Variants in EIPR1 observed in about 807,000 individuals in gnomAD.
EIPR1 encodes EARP and GARP complex-interacting protein 1.
A neutral mutation model predicts 48.1 loss-of-function variants in EIPR1; 25 were observed. The ratio of observed to expected loss-of-function variants is 0.52; its 90% CI spans 0.38 to 0.73. EIPR1 has a LOEUF of 0.73. EIPR1 is among the 30% of genes least tolerant of loss of function. EIPR1 has a pLI of 0.00. For synonymous variants in EIPR1, 204 were observed against 201.9 expected, an observed-to-expected ratio of 1.01 and a Z score of -0.09; for missense variants, 415 against 506.2, an observed-to-expected ratio of 0.82 and a Z score of 1.73.
intron 3 of EIPR1, chr2:3,320,165 C>A (rs1420149184): frequency 1.1e-5 from 2 of 190,424 alleles, no homozygotes; most frequent in South Asian, 7.2e-5. Context: ...GCAGGCAACA[C>A]CGCACCTATG....
intron 2 of EIPR1, among the ~76,000 whole-genome samples, chr2:3,341,077 C>T (rs1230419585): frequency 1.9e-5 from 2 of 105,710 alleles, no homozygotes; most frequent in Non-Finnish European, 3.4e-5. Context: ...GCCTGGGTGA[C>T]AGAGTGAGAT....
At chr2:3,193,249 A>G (rs1418930645) in intron 7 of EIPR1, among the ~76,000 whole-genome samples, 1 of 152,240 alleles carries the variant, frequency 6.6e-6, no homozygotes, top group Non-Finnish European at 1.5e-5. Flanking sequence ...AGAAGTGTGC[A>G]CTACCAATCC....
At chr2:3,245,337 T>G (rs776726163) in intron 4 of EIPR1, among the ~76,000 whole-genome samples, 2 of 152,096 alleles carry the variant, frequency 1.3e-5, no homozygotes, top group Non-Finnish European at 2.9e-5. Context: ...CTCAGCCTCC[T>G]GAGTACATGG....
At chr2:3,210,968 T>C (rs1665429817) in intron 5 of EIPR1, among the ~76,000 whole-genome samples, 1 of 152,014 alleles carries the variant, frequency 6.6e-6, no homozygotes, top group Admixed American at 6.5e-5. Flanking sequence ...AGAACATGCA[T>C]AGTTTCGGTG....
rs1668187564 is a variant in EIPR1 at position 3,286,443 on chromosome 2, GGGCCATCCTACCA to G, written c.260-29001_260-28989del. On this transcript the variant is annotated intron_variant, in intron 3 of 8. Transcript: ENST00000382125. The surrounding 1 kb of genome is among the most constrained non-coding windows in gnomAD (Gnocchi z 4.2). ...GCAGTGCCAAGGACCCCCGGGGGTGGGGCCATCCTACCAGGCATGTCCTGGGCACATGGGAAGA... is the reference window on the plus strand; with the variant it reads ...GCAGTGCCAAGGACCCCCGGGGGTGGGGCATGTCCTGGGCACATGGGAAGA... Among the ~76,000 whole-genome samples the G allele has an allele frequency of 6.6e-6, 1 of 152,134 alleles. No homozygotes were observed. The highest frequency in any genetic ancestry group is 2.4e-5 in the African/African-American group (1 of 41,422).
intron 3 of EIPR1, among the ~76,000 whole-genome samples, chr2:3,272,055 T>G (rs2602752): frequency 0.68 from 104,141 of 152,172 alleles, 36,008 homozygotes; most frequent in East Asian, 0.81. Flanking sequence ...GATGACCTCT[T>G]TCCTCCAACC....
At chr2:3,289,647 T>C (rs759947044) in intron 3 of EIPR1, among the ~76,000 whole-genome samples, 6 of 152,186 alleles carry the variant, frequency 3.9e-5, no homozygotes, top group Non-Finnish European at 8.8e-5. Context: ...TTGAATCCCG[T>C]AGGGTGTGTC....
intron 4 of EIPR1, among the ~76,000 whole-genome samples, chr2:3,242,526 G>A (rs910978919): frequency 2.7e-5 from 4 of 148,070 alleles, no homozygotes; most frequent in Non-Finnish European, 4.5e-5. Flanking sequence ...ACCCACTGAC[G>A]GCTGGAAGAC....
intron 6 of EIPR1, 149 bp downstream of exon 6, chr2:3,196,732 T>A (rs1360809646): frequency 6.4e-6 from 8 of 1,252,402 alleles, no homozygotes; most frequent in Non-Finnish European, 4.3e-6. Flanking sequence ...AGAAACAAGA[T>A]GAAGATTTAT....
intron 3 of EIPR1, among the ~76,000 whole-genome samples, chr2:3,258,990 T>C (rs1006312637): frequency 6.6e-6 from 1 of 152,042 alleles, no homozygotes; most frequent in African/African-American, 2.4e-5. Flanking sequence ...GCCCACGAGA[T>C]TGGCAATGGC....
In EIPR1 at chr2:3,286,422, T is replaced by TGC. The variant is rs1250397759; in HGVS notation, c.260-28969_260-28968dup. Among the ~76,000 whole-genome samples, 1 of 151,954 alleles carries TGC rather than the reference T, an allele frequency of 6.6e-6. No individual in the cohort carries two copies. Among genetic ancestry groups the TGC allele is most frequent in the Non-Finnish European group, 1.5e-5 (1 of 67,970 alleles). On this transcript the variant is annotated intron_variant, in intron 3 of 8. Coordinates refer to ENST00000382125, the MANE Select transcript of EIPR1 (RefSeq NM_003310.5). The surrounding 1 kb of genome is among the most constrained non-coding windows in gnomAD (Gnocchi z 4.2). ...CCAGGAGTGGGCCCAGAAGGAGCAG[T>TGC]GCCAAGGACCCCCGGGGGTGGGGCC...
intron 1 of EIPR1, among the ~76,000 whole-genome samples, chr2:3,375,542 G>A (rs1156868839): frequency 6.6e-6 from 1 of 152,150 alleles, no homozygotes; most frequent in African/African-American, 2.4e-5. Flanking sequence ...TCTTCAGGTA[G>A]TACAAGATTA....
At chr2:3,355,365 G>A (rs1670696661) in intron 1 of EIPR1, among the ~76,000 whole-genome samples, 1 of 152,156 alleles carries the variant, frequency 6.6e-6, no homozygotes, top group South Asian at 2.1e-4. Flanking sequence ...ACCTGCACAG[G>A]CTAAAGCTCC....
intron 3 of EIPR1, among the ~76,000 whole-genome samples, chr2:3,296,902 T>C (rs954001014): frequency 6.6e-6 from 1 of 152,264 alleles, no homozygotes; most frequent in Non-Finnish European, 1.5e-5. Context: ...CAACCTCAGC[T>C]GTCTAGGACC....
At chr2:3,267,891 G>A (rs528765525) in intron 3 of EIPR1, among the ~76,000 whole-genome samples, 182 of 152,338 alleles carry the variant, frequency 1.2e-3, no homozygotes, top group African/African-American at 4.3e-3. Flanking sequence ...CCATCTACCT[G>A]TGCCAGTGAC....
intron 4 of EIPR1, among the ~76,000 whole-genome samples, chr2:3,216,202 A>G (rs1665630912): frequency 6.6e-6 from 1 of 152,158 alleles, no homozygotes; most frequent in African/African-American, 2.4e-5. Context: ...CAGCCCACAG[A>G]TCTCGTGCTG....
chr2:3,204,627 G>T (rs1351805950), intron 5 of EIPR1, among the ~76,000 whole-genome samples: 1 of 152,238 alleles, frequency 6.6e-6, no homozygotes, highest in Admixed American at 6.5e-5. Flanking sequence ...GCCAGAATGT[G>T]AACAAAAGAA....
At chr2:3,250,121 C>T (rs1666958559) in intron 4 of EIPR1, among the ~76,000 whole-genome samples, 1 of 152,216 alleles carries the variant, frequency 6.6e-6, no homozygotes, top group Non-Finnish European at 1.5e-5. Context: ...AGGAAGGAAC[C>T]TTCTGCCCTC....
chr2:3,339,879 G>A lies in EIPR1; in HGVS notation c.127-1730C>T, dbSNP rs577935982. ...GCAGGAGAATGGCGTGAACCCGGGA[G>A]GCGGAGCCTGCAGTGAGCCGAGATG... On this transcript the variant is annotated intron_variant, in intron 2 of 8. Coordinates refer to ENST00000382125, the MANE Select transcript of EIPR1 (RefSeq NM_003310.5). Among the ~76,000 whole-genome samples the A allele has an allele frequency of 2.7e-3, 415 of 152,354 alleles. 2 individuals carry two copies. The highest frequency in any genetic ancestry group is 9.6e-3 in the African/African-American group (401 of 41,592).
Sources: allele counts gnomAD v4.1 joint callset (sites outside exome capture counted in the v4.1 genomes callset), GRCh38; gene constraint gnomAD v4.1.1; non-coding constraint Gnocchi (gnomAD v3.1); transcripts MANE v1.5; gene names NCBI Gene and HGNC (gene_info 2026-07-23, HGNC 2026-07-21).